Variants in UBASH3B observed in about 807,000 individuals in gnomAD.
UBASH3B encodes the protein ubiquitin-associated and SH3 domain-containing protein B.
A neutral mutation model predicts 83.4 loss-of-function variants in UBASH3B; 37 were observed. The observed-to-expected ratio is 0.44, with a 90% confidence interval of 0.34 to 0.58. The LOEUF (loss-of-function observed/expected upper bound fraction) is 0.58. UBASH3B is among the 20% of genes least tolerant of loss of function. The probability of loss-of-function intolerance (pLI) is 0.01; values close to 1 mark genes in which losing one functional copy is unlikely to be tolerated. For missense variants in UBASH3B, 657 were observed against 827.2 expected, an observed-to-expected ratio of 0.79 and a Z score of 2.52; for synonymous variants, 304 against 318.3, an observed-to-expected ratio of 0.96 and a Z score of 0.48.
intron 1 of UBASH3B, among the ~76,000 whole-genome samples, chr11:122,754,710 G>A (rs954941053): frequency 1.3e-5 from 2 of 152,254 alleles, no homozygotes; most frequent in Middle Eastern, 6.8e-3. Flanking sequence ...TAAGGTTAAG[G>A]AAACCGCCCA....
At chr11:122,763,212 A>G (rs1455002514) in intron 1 of UBASH3B, among the ~76,000 whole-genome samples, 1 of 152,164 alleles carries the variant, frequency 6.6e-6, no homozygotes, top group Non-Finnish European at 1.5e-5. Flanking sequence ...GCAAAGAGAA[A>G]TGTGTCTTAT....
chr11:122,735,717 C>T (rs1860920533), intron 1 of UBASH3B, among the ~76,000 whole-genome samples: 2 of 152,072 alleles, frequency 1.3e-5, no homozygotes, highest in South Asian at 2.1e-4. Flanking sequence ...ATCTACTTGT[C>T]GAAGTGGGGA....
At chr11:122,684,172 G>A (rs1863780779) in intron 1 of UBASH3B, among the ~76,000 whole-genome samples, 1 of 152,176 alleles carries the variant, frequency 6.6e-6, no homozygotes, top group Non-Finnish European at 1.5e-5. Context: ...TTTACAAGGC[G>A]TATCCTAGAG....
Position 122,734,178 on chromosome 11 carries a change from G to A in UBASH3B, c.162-42041G>A, listed in dbSNP as rs149161306. Reference sequence around the variant, plus strand: ...TGGGATTACAGGCTTGAGCCACCACGCCCAGCCAAAATTGAATGTCTCCTC... The same window carrying A: ...TGGGATTACAGGCTTGAGCCACCACACCCAGCCAAAATTGAATGTCTCCTC... On this transcript the variant is annotated intron_variant, in intron 1 of 13. Coordinates refer to ENST00000284273, the MANE Select transcript of UBASH3B (RefSeq NM_032873.5). 2.1e-3 allele frequency among the ~76,000 whole-genome samples: 320 copies of A among 152,228 alleles called. 1 individual carries two copies. The highest frequency in any genetic ancestry group is 7.4e-3 in the African/African-American group (309 of 41,516).
rs1863351749 is a variant in UBASH3B at position 122,655,919 on chromosome 11, G to C, written c.-131G>C. On this transcript the variant is annotated 5_prime_UTR_variant, in exon 1 of 14. Coordinates refer to ENST00000284273, the MANE Select transcript of UBASH3B (RefSeq NM_032873.5). ...CGACACTGGGGAAGCTCGGAGCGCCGCCTCCGCTGCCGCCGCCTCCTGCCT... is the reference window on the plus strand; with the variant it reads ...CGACACTGGGGAAGCTCGGAGCGCCCCCTCCGCTGCCGCCGCCTCCTGCCT... 1 of 1,019,630 alleles carries C rather than the reference G, an allele frequency of 9.8e-7. No individual in the cohort carries two copies. The allele number at this position is 1,019,630 out of a possible 1,614,324, so 63.2% of individuals were successfully genotyped here.
At position 122,778,103 on chromosome 11, in the gene UBASH3B, A is replaced by C. The variant is rs542229071; in HGVS notation, c.402+893A>C. Among the ~76,000 whole-genome samples the C allele has an allele frequency of 3.3e-5, 5 of 151,824 alleles. No individual in the cohort carries two copies. The South Asian group carries it at 1.0e-3, about 32-fold the overall frequency. ...TTTGTCTACTTTAGCTCTCTGTGGTAATAGAGAAGAGTTGATTTATCTCCA... is the reference window on the plus strand; with the variant it reads ...TTTGTCTACTTTAGCTCTCTGTGGTCATAGAGAAGAGTTGATTTATCTCCA... On this transcript the variant is annotated intron_variant, in intron 3 of 13. Transcript: ENST00000284273.
chr11:122,773,727 A>AT (rs1006217926), intron 1 of UBASH3B, among the ~76,000 whole-genome samples: 5 of 151,840 alleles, frequency 3.3e-5, no homozygotes, highest in Non-Finnish European at 4.4e-5. Context: ...ATCTTTTTCA[A>AT]TTTTTTCTTT....
intron 1 of UBASH3B, among the ~76,000 whole-genome samples, chr11:122,666,754 T>A (rs1237053162): frequency 1.3e-5 from 2 of 152,286 alleles, no homozygotes; most frequent in African/African-American, 4.8e-5. Flanking sequence ...TTGAATTGCC[T>A]GATTGCTCAT....
rs1863353775 is a variant in UBASH3B, at chr11:122,656,001, G to A, written c.-49G>A. ...CCAGCCCGACTCCCTCCTCCTTCCC[G>A]AACCATCCGGCTCGGGCTCCTTCCC... On this transcript the variant is annotated 5_prime_UTR_variant, in exon 1 of 14. Transcript: ENST00000284273. The A allele has an allele frequency of 3.1e-6, 4 of 1,303,272 alleles. No homozygotes were observed. Among genetic ancestry groups the A allele is most frequent in the Middle Eastern group, 2.6e-4 (1 of 3,888 alleles). The allele number at this position is 1,303,272 out of a possible 1,614,324, so 80.7% of individuals were successfully genotyped here.
intron 1 of UBASH3B, among the ~76,000 whole-genome samples, chr11:122,667,191 G>C (rs772934787): frequency 2.0e-5 from 3 of 151,410 alleles, no homozygotes; most frequent in Non-Finnish European, 4.4e-5. Flanking sequence ...TTACAGGCAC[G>C]CACCACCACC....
chr11:122,806,081 T>C lies in UBASH3B; in HGVS notation c.1596-329T>C, dbSNP rs1435624817. On this transcript the variant is annotated intron_variant, in intron 11 of 13. Coordinates refer to ENST00000284273, the MANE Select transcript of UBASH3B (RefSeq NM_032873.5). The surrounding 1 kb of genome is among the most constrained non-coding windows in gnomAD (Gnocchi z 4.0). Reference sequence around the variant, plus strand: ...TGATCTAAATAGGTTGAGGGTTCCATCTCTGCTTTGTTTTGTATTAGCTAT... The same window carrying C: ...TGATCTAAATAGGTTGAGGGTTCCACCTCTGCTTTGTTTTGTATTAGCTAT... Among the ~76,000 whole-genome samples, 2 of 152,222 alleles carry C rather than the reference T, an allele frequency of 1.3e-5. No homozygotes were observed. The highest frequency in any genetic ancestry group is 2.9e-5 in the Non-Finnish European group (2 of 68,046).
At position 122,694,410 on chromosome 11, in the gene UBASH3B, C is replaced by T. The variant is rs533463777; in HGVS notation, c.161+38200C>T. Reference sequence around the variant, plus strand: ...AGATAGGTTATTTTAATGAAACTTACTCAGGCCAGCATGGTGGCACATGCC... The same window carrying T: ...AGATAGGTTATTTTAATGAAACTTATTCAGGCCAGCATGGTGGCACATGCC... On this transcript the variant is annotated intron_variant, in intron 1 of 13. Transcript: ENST00000284273. 9.9e-5 allele frequency among the ~76,000 whole-genome samples: 15 copies of T among 152,068 alleles called. 1 individual carries two copies. In the South Asian group the frequency reaches 2.7e-3, roughly 27 times the overall value.
At chr11:122,760,658 G>A (rs996234797) in intron 1 of UBASH3B, among the ~76,000 whole-genome samples, 1 of 152,198 alleles carries the variant, frequency 6.6e-6, no homozygotes, top group African/African-American at 2.4e-5. Context: ...ACTGCACCCA[G>A]CCCCAGAGAA....
chr11:122,792,430 T>A (rs1222095947), intron 6 of UBASH3B, among the ~76,000 whole-genome samples: 2 of 151,940 alleles, frequency 1.3e-5, no homozygotes, highest in East Asian at 3.9e-4. Context: ...GTGATTCTCC[T>A]GCCTCAGCCC....
intron 1 of UBASH3B, among the ~76,000 whole-genome samples, chr11:122,674,120 T>C (rs1863634954): frequency 6.6e-6 from 1 of 152,246 alleles, no homozygotes; most frequent in Admixed American, 6.5e-5. Flanking sequence ...AAAATTAAAT[T>C]ATATCAAAAT....
intron 1 of UBASH3B, among the ~76,000 whole-genome samples, chr11:122,707,717 G>T (rs1864140367): frequency 6.6e-6 from 1 of 151,308 alleles, no homozygotes; most frequent in South Asian, 2.1e-4. Context: ...TATTTTTTTT[G>T]AGATGGAGTC....
intron 5 of UBASH3B, among the ~76,000 whole-genome samples, chr11:122,788,743 A>G (rs1431443197): frequency 6.6e-6 from 1 of 152,170 alleles, no homozygotes; most frequent in African/African-American, 2.4e-5. Flanking sequence ...GGTGACTATC[A>G]GATGAAGCAA....
intron 12 of UBASH3B, 102 bp from the exon 13 acceptor site, chr11:122,807,965 T>C: frequency 1.2e-6 from 1 of 847,990 alleles, no homozygotes; most frequent in Non-Finnish European, 2.0e-6. Flanking sequence ...TCTTCTTGAG[T>C]GTGTTTGCTC....
intron 1 of UBASH3B, among the ~76,000 whole-genome samples, chr11:122,715,538 A>G (rs1421377170): frequency 1.3e-5 from 2 of 152,210 alleles, no homozygotes; most frequent in Admixed American, 6.5e-5. Flanking sequence ...CATTTACCCA[A>G]TGTGTCACCA....
Sources: gnomAD v4.1 joint callset for allele counts (sites outside exome capture counted in the v4.1 genomes callset) on GRCh38, gnomAD v4.1.1 for gene constraint, Gnocchi (gnomAD v3.1) non-coding constraint, MANE v1.5 for transcripts, NCBI Gene and HGNC (gene_info 2026-07-23, HGNC 2026-07-21) for gene names.